Variants in MISFA observed in about 807,000 individuals in gnomAD.
MISFA encodes mitochondrial sheath formation-associated protein.
the MISFA span, chr11:18,602,527 C>T: frequency 6.6e-6 from 1 of 152,660 alleles, no homozygotes; most frequent in African/African-American, 2.4e-5. Context: ...CATCTTCCTT[C>T]TCTTCCCTTC....
At chr11:18,603,566 T>C in the MISFA span, among the ~76,000 whole-genome samples, 1 of 152,246 alleles carries the variant, frequency 6.6e-6, no homozygotes, top group Non-Finnish European at 1.5e-5. Flanking sequence ...CTCCTCCTGC[T>C]AGACCTTGGA....
At chr11:18,604,873 G>A in the MISFA span, among the ~76,000 whole-genome samples, 1 of 152,144 alleles carries the variant, frequency 6.6e-6, no homozygotes, top group Non-Finnish European at 1.5e-5. Flanking sequence ...ACTTTCATGT[G>A]CCAAGGAAAA....
At chr11:18,600,426 G>A in the MISFA span, among the ~76,000 whole-genome samples, 23 of 149,150 alleles carry the variant, frequency 1.5e-4, 1 homozygote, top group Admixed American at 1.5e-3. Context: ...TGGTCTCAAA[G>A]TCCTGACCTC....
At chr11:18,605,911 C>A in the MISFA span, among the ~76,000 whole-genome samples, 1 of 152,212 alleles carries the variant, frequency 6.6e-6, no homozygotes, top group Non-Finnish European at 1.5e-5. Context: ...CTCCCAGCCT[C>A]AAGTGATCCA....
At chr11:18,605,157 TTG>T in the MISFA span, among the ~76,000 whole-genome samples, 1 of 151,868 alleles carries the variant, frequency 6.6e-6, no homozygotes, top group African/African-American at 2.4e-5. Context: ...GCAGAATTGC[TTG>T]AACCCGGGAG....
chr11:18,603,830 C>A, the MISFA span: 2 of 398,428 alleles, frequency 5.0e-6, no homozygotes, highest in Non-Finnish European at 8.8e-6. Flanking sequence ...TGAAGCTCAC[C>A]TGACCAGCTG....
the MISFA span, chr11:18,608,539 C>T: frequency 2.0e-5 from 3 of 152,178 alleles, no homozygotes; most frequent in Admixed American, 1.3e-4. Flanking sequence ...GTCTCACTTC[C>T]CCTAAGCCTC....
At chr11:18,608,798 A>G in the MISFA span, 1 of 152,648 alleles carries the variant, frequency 6.6e-6, no homozygotes, top group Non-Finnish European at 1.5e-5. Flanking sequence ...AAATCTCTTC[A>G]CAGTGCATAG....
the MISFA span, chr11:18,603,767 C>G: frequency 7.5e-6 from 3 of 398,938 alleles, no homozygotes; most frequent in African/African-American, 6.2e-5. Context: ...TTTTTTCCCC[C>G]ACAGACTCCA....
the MISFA span, among the ~76,000 whole-genome samples, chr11:18,606,160 G>C: frequency 6.6e-6 from 1 of 152,154 alleles, no homozygotes. Context: ...CCACCTAACA[G>C]TTCTCCCAAC....
At chr11:18,601,255 T>G in the MISFA span, 5 of 398,330 alleles carry the variant, frequency 1.3e-5, no homozygotes, top group East Asian at 1.8e-4. Flanking sequence ...GAAGTCTCAG[T>G]GGAGAATGTT....
the MISFA span, chr11:18,603,303 C>G: frequency 2.5e-6 from 1 of 397,518 alleles, no homozygotes; most frequent in East Asian, 3.6e-5. Flanking sequence ...GAAACAAATA[C>G]TTTTATTATT....
the MISFA span, chr11:18,603,040 A>G: frequency 2.5e-6 from 1 of 398,222 alleles, no homozygotes. Flanking sequence ...CTGGATTCCT[A>G]CGACTCAGGG....
chr11:18,601,036 C>T, the MISFA span: 1 of 398,382 alleles, frequency 2.5e-6, no homozygotes, highest in East Asian at 3.6e-5. Flanking sequence ...AGAGTGGTTA[C>T]CCACTGGGCC....
chr11:18,609,283 T>C, the MISFA span: 3 of 152,904 alleles, frequency 2.0e-5, no homozygotes, highest in Admixed American at 1.3e-4. Flanking sequence ...AATCCATGAA[T>C]ACAGAATTTA....
the MISFA span, chr11:18,609,272 C>A: frequency 6.5e-6 from 1 of 152,740 alleles, no homozygotes; most frequent in African/African-American, 2.4e-5. Context: ...GCTCAGCATC[C>A]AATCCATGAA....
the MISFA span, chr11:18,602,846 A>G: frequency 3.1e-6 from 1 of 325,050 alleles, no homozygotes; most frequent in Non-Finnish European, 5.5e-6. Context: ...AACCCAACGC[A>G]TCTAGCACCC....
chr11:18,604,648 C>T, the MISFA span, among the ~76,000 whole-genome samples: 3 of 151,010 alleles, frequency 2.0e-5, no homozygotes, highest in Admixed American at 6.6e-5. Context: ...AAAAAAAGAA[C>T]CCTAAGCTTA....
chr11:18,602,238 A>C, the MISFA span: 1 of 152,068 alleles, frequency 6.6e-6, no homozygotes, highest in Non-Finnish European at 1.5e-5. Context: ...AGCTGTGCCT[A>C]TTGTTAGAGA....
Sources: allele counts gnomAD v4.1 joint callset (sites outside exome capture counted in the v4.1 genomes callset), GRCh38; gene constraint gnomAD v4.1.1; transcripts MANE v1.5; gene names NCBI Gene and HGNC (gene_info 2026-07-23, HGNC 2026-07-21).